LMO7: variants seen among roughly 807,000 people sequenced by gnomAD.
LMO7 encodes LIM domain only protein 7.
In LMO7, 120 loss-of-function variants were observed where a neutral mutation model predicts 206.5. That is an observed-to-expected ratio of 0.58 (90% CI 0.50 to 0.68). The LOEUF is 0.68. Ranked by LOEUF, LMO7 falls within the 30% of genes least tolerant of loss-of-function variation. The probability of loss-of-function intolerance (pLI) is 0.00; values close to 1 mark genes in which losing one functional copy is unlikely to be tolerated. For missense variants in LMO7, 1,959 were observed against 1,957.9 expected, an observed-to-expected ratio of 1.00 and a Z score of -0.01; for synonymous variants, 706 against 681.5, an observed-to-expected ratio of 1.04 and a Z score of -0.56.
chr13:75,816,608 T>C (rs1261023415), intron 11 of LMO7, among the ~76,000 whole-genome samples: 2 of 152,220 alleles, frequency 1.3e-5, no homozygotes, highest in African/African-American at 4.8e-5. Flanking sequence ...TATTAGAAAC[T>C]ACCTGTGGTG....
intron 2 of LMO7, 132 bp downstream of exon 2, chr13:75,713,384 T>A: frequency 1.8e-6 from 1 of 551,792 alleles, no homozygotes; most frequent in Non-Finnish European, 3.2e-6. Context: ...TGAGATTTGA[T>A]CCCTGCAAAT....
intron 19 of LMO7, among the ~76,000 whole-genome samples, chr13:75,837,427 C>T (rs1201437901): frequency 2.6e-5 from 4 of 152,132 alleles, no homozygotes; most frequent in African/African-American, 7.2e-5. Flanking sequence ...GGGGACTATA[C>T]GTGGGCCCTG....
chr13:75,624,666 C>T (rs1238999950), intron 2 of LMO7, among the ~76,000 whole-genome samples: 1 of 152,320 alleles, frequency 6.6e-6, no homozygotes, highest in East Asian at 1.9e-4. Flanking sequence ...AAAGATGTGT[C>T]TCACATGGCA....
chr13:75,746,274 A>G (rs998560805), intron 3 of LMO7, among the ~76,000 whole-genome samples: 2 of 152,120 alleles, frequency 1.3e-5, no homozygotes, highest in African/African-American at 4.8e-5. Context: ...TGGTAAATAT[A>G]TATATATAAA....
intron 7 of LMO7, among the ~76,000 whole-genome samples, chr13:75,802,094 C>T (rs1009571222): frequency 2.0e-5 from 3 of 152,100 alleles, no homozygotes; most frequent in African/African-American, 7.2e-5. Context: ...AGAATTTATT[C>T]TTTGTTTTAC....
At chr13:75,639,772 C>G (rs917295850) in intron 1 of LMO7, among the ~76,000 whole-genome samples, 60 of 152,310 alleles carry the variant, frequency 3.9e-4, no homozygotes, top group Middle Eastern at 6.8e-3. Context: ...TAATGTTGCT[C>G]TCTAGATTGA....
chr13:75,856,415 G>A (rs1443610469), intron 29 of LMO7, 91 bp from the exon 30 acceptor site: 4 of 738,750 alleles, frequency 5.4e-6, no homozygotes, highest in Non-Finnish European at 9.6e-6. Flanking sequence ...CTTAGAAGTA[G>A]CATTCTGCTC....
intron 4 of LMO7, among the ~76,000 whole-genome samples, chr13:75,785,981 C>T (rs1185047408): frequency 6.6e-6 from 1 of 152,162 alleles, no homozygotes; most frequent in South Asian, 2.1e-4. Flanking sequence ...TAATACTCAT[C>T]TCTACTCTTT....
intron 1 of LMO7, among the ~76,000 whole-genome samples, chr13:75,706,265 TTAAGG>T (rs1192303248): frequency 2.6e-5 from 4 of 152,184 alleles, no homozygotes; most frequent in African/African-American, 9.6e-5. Flanking sequence ...TGTTGTGACC[TTAAGG>T]TAAGTAGCTG....
chr13:75,820,319 C>T (rs1428506179), intron 13 of LMO7, among the ~76,000 whole-genome samples: 1 of 152,152 alleles, frequency 6.6e-6, no homozygotes, highest in Non-Finnish European at 1.5e-5. Flanking sequence ...GACTTTTAAT[C>T]CCTGATAAAT....
intron 6 of LMO7, among the ~76,000 whole-genome samples, chr13:75,800,284 A>G (rs972791632): frequency 2.0e-5 from 3 of 152,190 alleles, no homozygotes; most frequent in African/African-American, 4.8e-5. Context: ...TGACTAAGTT[A>G]AGGTTAGTTT....
intron 3 of LMO7, among the ~76,000 whole-genome samples, chr13:75,755,397 T>G (rs1243697754): frequency 6.6e-6 from 1 of 152,200 alleles, no homozygotes; most frequent in Non-Finnish European, 1.5e-5. Flanking sequence ...GTTTTCCGTA[T>G]GCTATTCTCT....
chr13:75,831,420 T>C (rs1333076009), intron 15 of LMO7, among the ~76,000 whole-genome samples: 3 of 152,172 alleles, frequency 2.0e-5, no homozygotes, highest in Non-Finnish European at 4.4e-5. Flanking sequence ...AGTAGTAAAT[T>C]CTTGATCCTT....
chr13:75,710,237 C>T (rs1184189347), intron 1 of LMO7, among the ~76,000 whole-genome samples: 1 of 152,142 alleles, frequency 6.6e-6, no homozygotes, highest in Non-Finnish European at 1.5e-5. Context: ...TAGCGTGATA[C>T]CTCCAGCTTT....
At chr13:75,742,850 A>G (rs1243789707) in intron 3 of LMO7, among the ~76,000 whole-genome samples, 1 of 152,274 alleles carries the variant, frequency 6.6e-6, no homozygotes, top group Non-Finnish European at 1.5e-5. Flanking sequence ...AAGCAATTGC[A>G]ACAAAAGCAA....
At chr13:75,757,745 T>G (rs1196368515) in intron 3 of LMO7, among the ~76,000 whole-genome samples, 1 of 151,720 alleles carries the variant, frequency 6.6e-6, no homozygotes, top group Non-Finnish European at 1.5e-5. Context: ...ATAGAAAAAT[T>G]TAAAGCTTAA....
intron 6 of LMO7, among the ~76,000 whole-genome samples, chr13:75,800,480 T>G (rs942547798): frequency 6.6e-6 from 1 of 152,212 alleles, no homozygotes; most frequent in Non-Finnish European, 1.5e-5. Flanking sequence ...GAATACCCCC[T>G]TATTGTATCA....
chr13:75,842,769 T>C lies in LMO7; in HGVS notation c.4032-82T>C, dbSNP rs1304725504. 3 of 827,772 alleles carry C rather than the reference T, an allele frequency of 3.6e-6. No homozygotes were observed. The Admixed American group carries it at 5.8e-5, about 16-fold the overall frequency. 51.3% of individuals were successfully genotyped at this position (827,772 alleles called of 1,614,324 possible). ...TTTGCATAAAGAGGCTAGAATGACATTATTTTGATACCCTTTTCTTAAACT... is the reference window on the plus strand; with the variant it reads ...TTTGCATAAAGAGGCTAGAATGACACTATTTTGATACCCTTTTCTTAAACT... On this transcript the variant is annotated intron_variant, in intron 24 of 30. Transcript: ENST00000377534.
rs550585156 is a variant in LMO7, at chr13:75,733,960, G to C, written c.210+6862G>C. Among the ~76,000 whole-genome samples the C allele has an allele frequency of 2.7e-3, 415 of 152,340 alleles. 2 individuals are homozygous for C. The highest frequency in any genetic ancestry group is 8.2e-3 in the African/African-American group (342 of 41,580). ...GGCCCAGACTGCGAGATGTGCACCA[G>C]TTGTTATGTTTCTGCCACATGATGC... is the stretch of plus-strand genomic sequence containing the variant. On this transcript the variant is annotated intron_variant, in intron 3 of 30. Transcript: ENST00000377534.
Sources: allele counts gnomAD v4.1 joint callset (sites outside exome capture counted in the v4.1 genomes callset), GRCh38; gene constraint gnomAD v4.1.1; transcripts MANE v1.5; gene names NCBI Gene and HGNC (gene_info 2026-07-23, HGNC 2026-07-21).